NLK: variants seen among roughly 807,000 people sequenced by gnomAD.
NLK encodes serine/threonine-protein kinase NLK.
Under a neutral mutation model 59.0 loss-of-function variants are expected in NLK, and 11 were observed. The ratio of observed to expected loss-of-function variants is 0.19; its 90% CI spans 0.12 to 0.31. NLK has a LOEUF of 0.31. Ranked by LOEUF, NLK falls within the 10% of genes least tolerant of loss-of-function variation. NLK has a pLI of 1.00. For synonymous variants in NLK, 235 were observed against 235.9 expected (o/e 1.00, Z 0.03); for missense variants, 410 against 661.1 (o/e 0.62, Z 4.16).
chr17:28,074,008 A>C (rs1910093750), intron 1 of NLK, among the ~76,000 whole-genome samples: 1 of 152,228 alleles, frequency 6.6e-6, no homozygotes, highest in Non-Finnish European at 1.5e-5. Flanking sequence ...TTATAACTTA[A>C]TTTGCTAGTT....
At chr17:28,084,114 A>G (rs1910435534) in intron 1 of NLK, among the ~76,000 whole-genome samples, 1 of 152,232 alleles carries the variant, frequency 6.6e-6, no homozygotes, top group Non-Finnish European at 1.5e-5. Flanking sequence ...ACTCAGAGGT[A>G]GCAACCTAGC....
Position 28,133,500 on chromosome 17 carries a change from G to A in NLK, c.644+825G>A, listed in dbSNP as rs117069031. On this transcript the variant is annotated intron_variant, in intron 3 of 10. Transcript: ENST00000407008. ...GAATAATAATGAACTATAAAATAAT[G>A]TTAAAATAATGCCTGGTGATAGCTC... 6.6e-4 allele frequency among the ~76,000 whole-genome samples: 100 copies of A among 152,252 alleles called. No homozygotes were observed. The East Asian group carries it at 0.014, about 22-fold the overall frequency.
At chr17:28,113,571 CTT>C (rs1905618824) in intron 1 of NLK, among the ~76,000 whole-genome samples, 1 of 152,196 alleles carries the variant, frequency 6.6e-6, no homozygotes, top group Non-Finnish European at 1.5e-5. Flanking sequence ...GGGAGTGTCT[CTT>C]AGCATGCTAA....
intron 7 of NLK, 55 bp from the exon 8 acceptor site, chr17:28,185,124 A>G (rs1728455494): frequency 3.8e-6 from 4 of 1,052,774 alleles, no homozygotes; most frequent in Admixed American, 2.4e-5. Flanking sequence ...GCTGTATTCC[A>G]TAGCTGTTTA....
chr17:28,197,703 A>G (rs1055955782), downstream of NLK, among the ~76,000 whole-genome samples: 3 of 152,162 alleles, frequency 2.0e-5, no homozygotes. Flanking sequence ...ATCTCTTACG[A>G]TGACTCATAA....
chr17:28,071,789 A>G (rs1312275882), intron 1 of NLK, among the ~76,000 whole-genome samples: 1 of 152,212 alleles, frequency 6.6e-6, no homozygotes, highest in African/African-American at 2.4e-5. Context: ...CTCAGGTTTT[A>G]ATTAATTAAG....
At chr17:28,129,330 G>A (rs747764556) in intron 2 of NLK, among the ~76,000 whole-genome samples, 14 of 152,106 alleles carry the variant, frequency 9.2e-5, no homozygotes, top group African/African-American at 2.7e-4. Flanking sequence ...GCGCATGCCC[G>A]TAGTCCCAGC....
downstream of NLK, among the ~76,000 whole-genome samples, chr17:28,198,253 C>T (rs35221017): frequency 5.2e-3 from 796 of 152,318 alleles, 13 homozygotes; most frequent in African/African-American, 0.018. Context: ...CCTCCCACCT[C>T]AGCCTCCCAA....
intron 3 of NLK, among the ~76,000 whole-genome samples, chr17:28,151,069 A>C (rs1420961695): frequency 6.6e-6 from 1 of 152,162 alleles, no homozygotes; most frequent in African/African-American, 2.4e-5. Flanking sequence ...AATTTCTCAG[A>C]AACAATAATC....
chr17:28,135,815 A>G (rs1906722681), intron 3 of NLK, among the ~76,000 whole-genome samples: 1 of 152,232 alleles, frequency 6.6e-6, no homozygotes, highest in African/African-American at 2.4e-5. Flanking sequence ...TGTTTATATC[A>G]GGCATTAATT....
chr17:28,107,571 G>C (rs1905237969), intron 1 of NLK, among the ~76,000 whole-genome samples: 1 of 152,138 alleles, frequency 6.6e-6, no homozygotes, highest in Non-Finnish European at 1.5e-5. Flanking sequence ...AGGCAGTCTT[G>C]TTGATGAATA....
intron 1 of NLK, among the ~76,000 whole-genome samples, chr17:28,095,006 A>G (rs34963266): frequency 0.01 from 1,593 of 152,318 alleles, 32 homozygotes; most frequent in African/African-American, 0.037. Context: ...ACCTAGCTCC[A>G]GTTTTCATGA....
chr17:28,143,804 T>A (rs898133720), intron 3 of NLK, among the ~76,000 whole-genome samples: 28 of 152,196 alleles, frequency 1.8e-4, no homozygotes, highest in Non-Finnish European at 4.0e-4. Flanking sequence ...TGATAGTTTT[T>A]TACATAAGAC....
chr17:28,061,735 A>G (rs1909643724), intron 1 of NLK, among the ~76,000 whole-genome samples: 1 of 148,250 alleles, frequency 6.7e-6, no homozygotes, highest in Middle Eastern at 3.6e-3. Context: ...TCAAATCATT[A>G]TTTCATATAT....
In NLK at chr17:28,047,784, T is replaced by G. The variant is rs1909112377; in HGVS notation, c.458+4453T>G. On this transcript the variant is annotated intron_variant, in intron 1 of 10. Coordinates refer to ENST00000407008, the MANE Select transcript of NLK (RefSeq NM_016231.5). ...TTTTCTTATGTTTTGTCTGGTCCTCTTACTCCACATAACAAACTAATTTGG... is the reference window on the plus strand; with the variant it reads ...TTTTCTTATGTTTTGTCTGGTCCTCGTACTCCACATAACAAACTAATTTGG... The G allele has an allele frequency of 1.0e-5, 4 of 389,772 alleles. 1 individual carries two copies. The South Asian group carries it at 4.3e-4, about 42-fold the overall frequency. The allele number at this position is 389,772 out of a possible 1,614,324, so 24.1% of individuals were successfully genotyped here. A position where few individuals can be genotyped will look rare whatever the true frequency, so the allele number is the denominator to read the frequency against.
At chr17:28,127,144 G>A (rs553364238) in intron 2 of NLK, among the ~76,000 whole-genome samples, 12 of 152,178 alleles carry the variant, frequency 7.9e-5, no homozygotes, top group South Asian at 4.1e-4. Context: ...AGTAGGCGGC[G>A]ATTCTATTTG....
intron 1 of NLK, among the ~76,000 whole-genome samples, chr17:28,096,431 A>G (rs1225286333): frequency 6.6e-6 from 1 of 152,204 alleles, no homozygotes; most frequent in East Asian, 1.9e-4. Context: ...AGTTTTCAAA[A>G]ATGAAGTGTT....
At chr17:28,189,873 T>C (rs1190317200) in intron 8 of NLK, among the ~76,000 whole-genome samples, 2 of 152,252 alleles carry the variant, frequency 1.3e-5, no homozygotes, top group Non-Finnish European at 2.9e-5. Flanking sequence ...AAGTATACGT[T>C]TGCCTGTTCC....
chr17:28,203,620 T>A, the NLK span, among the ~76,000 whole-genome samples: 1 of 152,108 alleles, frequency 6.6e-6, no homozygotes, highest in Non-Finnish European at 1.5e-5. Context: ...CAATGCAACC[T>A]CCGCCTCCTG....
Sources: allele counts gnomAD v4.1 joint callset (sites outside exome capture counted in the v4.1 genomes callset), GRCh38; gene constraint gnomAD v4.1.1; transcripts MANE v1.5; gene names NCBI Gene and HGNC (gene_info 2026-07-23, HGNC 2026-07-21).